Variants in MYRIP observed in about 807,000 individuals in gnomAD.
MYRIP encodes rab effector MyRIP.
Under a neutral mutation model 98.0 loss-of-function variants are expected in MYRIP, and 49 were observed. The observed-to-expected ratio is 0.50, with a 90% CI of 0.40 to 0.63. The LOEUF is 0.63. Among genes scored for constraint, MYRIP ranks in the 30% least tolerant of loss-of-function variants. The pLI is 0.00. For missense variants in MYRIP, 1,004 were observed against 1,058.2 expected, an observed-to-expected ratio of 0.95 and a Z score of 0.71; for synonymous variants, 404 against 409.5, an observed-to-expected ratio of 0.99 and a Z score of 0.16.
chr3:39,836,802 A>C (rs1256293825), intron 1 of MYRIP, among the ~76,000 whole-genome samples: 1 of 152,218 alleles, frequency 6.6e-6, no homozygotes, highest in African/African-American at 2.4e-5. Flanking sequence ...CTTGTGGATA[A>C]TTAACATGGT....
chr3:40,098,163 C>T (rs1415004805), intron 3 of MYRIP, among the ~76,000 whole-genome samples: 1 of 152,154 alleles, frequency 6.6e-6, no homozygotes, highest in Non-Finnish European at 1.5e-5. Context: ...CAACAGCAGC[C>T]TTTTTGATAT....
rs756148993 is a variant in MYRIP at position 40,167,174 on chromosome 3, G to T, written c.664G>T (p.Ala222Ser). Residue 222 changes from alanine (A) to serine (S), a missense_variant, in exon 7 of 17, where the codon GCC (alanine) becomes TCC (serine). Ala to Ser is a moderately conservative substitution (Grantham distance 99). This residue lies in a region of MYRIP where 880 missense variants were observed against 907.7 expected (regional missense o/e 0.97). Coordinates refer to ENST00000302541, the MANE Select transcript of MYRIP (RefSeq NM_015460.4). ...CCCTCCTCAGGACAAGCAAAATGAG[G>T]CCAGTTACCTGCGGGACCACAAGGA... The part of the protein sequence containing the change: ...YGDSLDKQNE[A>S]SYLRDHKEEL... The T allele has an allele frequency of 1.1e-5, 17 of 1,614,014 alleles. No individual in the cohort carries two copies. The highest frequency in any genetic ancestry group is 1.4e-5 in the Non-Finnish European group (17 of 1,180,046).
At chr3:40,128,194 G>C (rs953618251) in intron 3 of MYRIP, among the ~76,000 whole-genome samples, 4 of 152,182 alleles carry the variant, frequency 2.6e-5, no homozygotes, top group African/African-American at 7.2e-5. Flanking sequence ...AGTTTTAATA[G>C]GGGCTTACAT....
chr3:40,033,930 T>G (rs896976138), intron 2 of MYRIP, among the ~76,000 whole-genome samples: 1 of 152,014 alleles, frequency 6.6e-6, no homozygotes, highest in East Asian at 1.9e-4. Flanking sequence ...TATCTACAAC[T>G]ATCTGATCTT....
intron 2 of MYRIP, among the ~76,000 whole-genome samples, chr3:39,954,323 G>A (rs960593778): frequency 6.6e-6 from 1 of 152,100 alleles, no homozygotes; most frequent in African/African-American, 2.4e-5. Flanking sequence ...AGCTTCCAGA[G>A]GAAGGATCAG....
intron 2 of MYRIP, among the ~76,000 whole-genome samples, chr3:39,962,186 C>T (rs1945339061): frequency 6.6e-6 from 1 of 152,048 alleles, no homozygotes; most frequent in African/African-American, 2.4e-5. Flanking sequence ...TATAATAATA[C>T]CACCTATCTC....
chr3:39,923,983 C>G (rs1376922116), intron 2 of MYRIP, among the ~76,000 whole-genome samples: 1 of 151,882 alleles, frequency 6.6e-6, no homozygotes, highest in East Asian at 1.9e-4. Flanking sequence ...AAAAGCTATA[C>G]AAAGAGATAT....
chr3:39,870,430 A>G (rs1190582574), intron 1 of MYRIP, among the ~76,000 whole-genome samples: 2 of 152,188 alleles, frequency 1.3e-5, no homozygotes, highest in African/African-American at 4.8e-5. Context: ...ATACAAATAG[A>G]TTAATATTTT....
intron 3 of MYRIP, among the ~76,000 whole-genome samples, chr3:40,084,295 A>ATATAAAACACATCTATGTATTATATATC (rs1948554626): frequency 1.2e-5 from 1 of 85,742 alleles, no homozygotes; most frequent in Non-Finnish European, 2.3e-5. Context: ...ATATATCGAT[A>ATATAAAACACATCTATGTATTATATATC]TATAATACAC....
At chr3:40,203,522 C>G (rs976144768) in intron 10 of MYRIP, among the ~76,000 whole-genome samples, 1 of 150,900 alleles carries the variant, frequency 6.6e-6, no homozygotes, top group Non-Finnish European at 1.5e-5. Flanking sequence ...AAAGAACTTG[C>G]ACACCACTGA....
At chr3:40,089,747 G>A (rs959969397) in intron 3 of MYRIP, among the ~76,000 whole-genome samples, 1 of 152,130 alleles carries the variant, frequency 6.6e-6, no homozygotes, top group Non-Finnish European at 1.5e-5. Context: ...GATGTTGCTG[G>A]CTTATTATAT....
chr3:40,116,931 A>T (rs569960921), intron 3 of MYRIP, among the ~76,000 whole-genome samples: 2 of 152,208 alleles, frequency 1.3e-5, no homozygotes, highest in East Asian at 3.9e-4. Flanking sequence ...TCCCTTCCAT[A>T]GTTTCATAAG....
intron 1 of MYRIP, among the ~76,000 whole-genome samples, chr3:39,826,603 T>C (rs549571301): frequency 1.3e-5 from 2 of 152,298 alleles, no homozygotes; most frequent in African/African-American, 4.8e-5. Flanking sequence ...TTATATGCGC[T>C]GATGAAAAGA....
At chr3:39,946,089 G>A (rs1944894715) in intron 2 of MYRIP, among the ~76,000 whole-genome samples, 1 of 151,948 alleles carries the variant, frequency 6.6e-6, no homozygotes, top group Non-Finnish European at 1.5e-5. Context: ...TTGATCCCTA[G>A]AATGTCAAGG....
chr3:39,886,616 A>T (rs1943310610), intron 1 of MYRIP, among the ~76,000 whole-genome samples: 2 of 152,026 alleles, frequency 1.3e-5, no homozygotes, highest in Admixed American at 1.3e-4. Flanking sequence ...TGGTAAAGGG[A>T]TCAATTCAAC....
chr3:40,091,038 C>A (rs950946709), intron 3 of MYRIP, among the ~76,000 whole-genome samples: 3 of 152,168 alleles, frequency 2.0e-5, no homozygotes, highest in African/African-American at 4.8e-5. Context: ...AGGAAGACAG[C>A]AGCCCTCAGC....
chr3:40,210,771 A>G (rs181016621), intron 11 of MYRIP, among the ~76,000 whole-genome samples: 169 of 152,220 alleles, frequency 1.1e-3, no homozygotes, highest in Non-Finnish European at 2.1e-3. Flanking sequence ...CAAAGGACAC[A>G]GTTGGAAAAC....
chr3:40,193,755 G>A (rs1460613315), intron 10 of MYRIP, among the ~76,000 whole-genome samples: 2 of 152,002 alleles, frequency 1.3e-5, no homozygotes, highest in African/African-American at 4.8e-5. Flanking sequence ...AATTTTATGT[G>A]AAGAAAAAAA....
rs1294537234 is a variant in MYRIP, at chr3:40,240,894, G to A, written c.2101-3552G>A. On this transcript the variant is annotated intron_variant, in intron 12 of 16. Coordinates refer to ENST00000302541, the MANE Select transcript of MYRIP (RefSeq NM_015460.4). ...AACTCAGGTGTGGGCAAGGTTAAGG[G>A]ATGCTGAGGGTGGAACAGTAGCAAT... Among the ~76,000 whole-genome samples, 4 of 152,270 alleles carry A rather than the reference G, an allele frequency of 2.6e-5. No homozygotes were observed. In the East Asian group the frequency reaches 7.7e-4, roughly 29 times the overall value.
Sources: allele counts gnomAD v4.1 joint callset (sites outside exome capture counted in the v4.1 genomes callset), GRCh38; gene constraint gnomAD v4.1.1; regional missense constraint gnomAD v4.1.1; transcripts MANE v1.5; gene names NCBI Gene and HGNC (gene_info 2026-07-23, HGNC 2026-07-21).